The following SNX31 variants were observed in gnomAD, a reference collection of about 807,000 sequenced individuals.
The protein encoded by SNX31 is sorting nexin-31.
SNX31 carries 58 observed loss-of-function variants against 65.4 expected under a neutral mutation model. That is an observed-to-expected ratio of 0.89 (90% confidence interval 0.72 to 1.10). The LOEUF (loss-of-function observed/expected upper bound fraction) is 1.10, where lower values mean the gene tolerates loss of function less well. Ranked by LOEUF, SNX31 falls within the 50% of genes least tolerant of loss-of-function variation. The probability of loss-of-function intolerance (pLI) is 0.00; values close to 1 mark genes in which losing one functional copy is unlikely to be tolerated. For missense variants in SNX31, 523 were observed against 529.7 expected, an observed-to-expected ratio of 0.99 and a Z score of 0.12; for synonymous variants, 181 against 190.1, an observed-to-expected ratio of 0.95 and a Z score of 0.39.
At position 100,617,714 on chromosome 8, in the gene SNX31, G is replaced by A; in HGVS notation, c.338C>T (p.Ala113Val). The A allele has an allele frequency of 1.2e-6, 2 of 1,612,492 alleles. No homozygotes were observed. The highest frequency in any genetic ancestry group is 8.5e-7 in the Non-Finnish European group (1 of 1,179,528). ...KLAQLNTFDIATKKAYLDIFL... is the reference protein window; with the variant it reads ...KLAQLNTFDIVTKKAYLDIFL... The stretch of plus-strand genomic sequence containing the variant: ...TATGTCCAGATAAGCTTTCTTGGTG[G>A]CGATGTCAAATGTATTCTATAAGCA... The change falls in exon 5 of 14, where the codon GCC becomes GTC. Residue 113 changes from alanine (A) to valine (V), a missense_variant. By Grantham distance (64) the Ala-to-Val change is moderately conservative. Coordinates refer to ENST00000311812, the MANE Select transcript of SNX31 (RefSeq NM_152628.4).
chr8:100,625,390 T>G lies in SNX31; in HGVS notation c.321+4937A>C. On this transcript the variant is annotated intron_variant, in intron 4 of 13. Coordinates refer to ENST00000311812, the MANE Select transcript of SNX31 (RefSeq NM_152628.4). The surrounding 1 kb of genome is among the most constrained non-coding windows in gnomAD (Gnocchi z 4.2). Reference sequence around the variant, plus strand: ...GAGTCCACATATGGATTTTCTTGGATGCGCACCATGGCTATTAGACATTCC... The same window carrying G: ...GAGTCCACATATGGATTTTCTTGGAGGCGCACCATGGCTATTAGACATTCC... 6.6e-6 allele frequency among the ~76,000 whole-genome samples: 1 copy of G among 150,636 alleles called. No individual in the cohort carries two copies. The highest frequency in any genetic ancestry group is 2.0e-4 in the East Asian group (1 of 4,930).
chr8:100,641,581 TATATATATATATATACAC>T (rs1563580650), intron 2 of SNX31, among the ~76,000 whole-genome samples: 7 of 28,528 alleles, frequency 2.5e-4, no homozygotes, highest in African/African-American at 5.1e-4. Flanking sequence ...TATATATATA[TATATATATATATATACAC>T]ATACACACAC....
intron 10 of SNX31, among the ~76,000 whole-genome samples, chr8:100,593,660 G>A (rs529532655): frequency 6.6e-6 from 1 of 151,918 alleles, no homozygotes; most frequent in African/African-American, 2.4e-5. Context: ...CTCCATGTTG[G>A]CCAGGCTGGT....
chr8:100,624,933 C>T (rs1012314682), intron 4 of SNX31, among the ~76,000 whole-genome samples: 7 of 151,908 alleles, frequency 4.6e-5, no homozygotes, highest in East Asian at 1.9e-4. Context: ...TCCAGAGTAG[C>T]GGGGGCTATA....
chr8:100,617,470 C>T (rs1817311753), intron 5 of SNX31, 150 bp downstream of exon 5: 8 of 530,528 alleles, frequency 1.5e-5, no homozygotes, highest in Non-Finnish European at 2.6e-5. Flanking sequence ...GTTGTTCTCC[C>T]AGCAAATGCC....
chr8:100,575,933 T>G lies in SNX31; in HGVS notation c.1227+1086A>C, dbSNP rs1166404853. On this transcript the variant is annotated intron_variant, in intron 13 of 13. Transcript: ENST00000311812. This position sits in a 1 kb window ranked among gnomAD's most constrained non-coding sequence, Gnocchi z 5.1. ...GCCAAAGTTGAGAACCACAGCTCCA[T>G]GCTGTCGGCATGCTGCTAAAATGGG... Among the ~76,000 whole-genome samples, 1 of 136,114 alleles carries G rather than the reference T, an allele frequency of 7.3e-6. No homozygotes were observed. Among genetic ancestry groups the G allele is most frequent in the Admixed American group, 7.6e-5 (1 of 13,142 alleles). 89.3% of individuals were successfully genotyped at this position (136,114 alleles called of 152,430 possible).
chr8:100,642,534 C>G (rs908511612), intron 2 of SNX31, among the ~76,000 whole-genome samples: 1 of 152,214 alleles, frequency 6.6e-6, no homozygotes, highest in Non-Finnish European at 1.5e-5. Context: ...CAGGTTTTTA[C>G]AACCTGAGCT....
intron 2 of SNX31, among the ~76,000 whole-genome samples, chr8:100,646,408 C>T (rs7846275): frequency 0.066 from 9,997 of 152,280 alleles, 456 homozygotes; most frequent in Non-Finnish European, 0.095. Flanking sequence ...TCAGAAAGAA[C>T]AGTTGGTAAA....
chr8:100,619,550 C>T (rs1441016176), intron 4 of SNX31, among the ~76,000 whole-genome samples: 2 of 152,182 alleles, frequency 1.3e-5, no homozygotes, highest in Non-Finnish European at 2.9e-5. Context: ...ATTGTTACTC[C>T]AGCTGCTATA....
chr8:100,655,926 A>G (rs1820046871), intron 1 of SNX31, among the ~76,000 whole-genome samples: 1 of 152,210 alleles, frequency 6.6e-6, no homozygotes, highest in African/African-American at 2.4e-5. Context: ...AGGCAGTCAG[A>G]CCAGCAAGGA....
chr8:100,612,209 C>A lies in SNX31; in HGVS notation c.524-122G>T. ...AATAATAAAATCACAGTAAGAATAT[C>A]CTCTGTATTTACACGTAATTTTAAC... On this transcript the variant is annotated intron_variant, in intron 6 of 13. Transcript: ENST00000311812. The surrounding 1 kb of genome is among the most constrained non-coding windows in gnomAD (Gnocchi z 4.3). The A allele has an allele frequency of 1.6e-6, 1 of 626,784 alleles. No individual in the cohort carries two copies. Among genetic ancestry groups the A allele is most frequent in the Non-Finnish European group, 2.8e-6 (1 of 356,102 alleles). 38.8% of individuals were successfully genotyped at this position (626,784 alleles called of 1,614,324 possible). A position where few individuals can be genotyped will look rare whatever the true frequency, so the allele number is the denominator to read the frequency against.
chr8:100,610,834 G>T lies in SNX31; in HGVS notation c.611+1166C>A, dbSNP rs966482765. ...CCACAAACTGGAGCTCTAGAGCAAG[G>T]CATCACAAGGTCAAGGGAATTCTTA... On this transcript the variant is annotated intron_variant, in intron 7 of 13. Transcript: ENST00000311812. This position sits in a 1 kb window ranked among gnomAD's most constrained non-coding sequence, Gnocchi z 4.0. Among the ~76,000 whole-genome samples the T allele has an allele frequency of 2.6e-5, 4 of 152,294 alleles. No homozygotes were observed. The highest frequency in any genetic ancestry group is 3.4e-3 in the Middle Eastern group (1 of 294).
upstream of SNX31, among the ~76,000 whole-genome samples, chr8:100,651,706 G>A (rs537193825): frequency 1.4e-3 from 214 of 152,298 alleles, 4 homozygotes; most frequent in South Asian, 0.044. Flanking sequence ...AGCAGCGATT[G>A]GAGGCGCTGC....
At chr8:100,651,927 G>A (rs543228102), upstream of SNX31, among the ~76,000 whole-genome samples, 3 of 152,308 alleles carry the variant, frequency 2.0e-5, no homozygotes, top group South Asian at 4.1e-4. Context: ...CTTTTCAGGG[G>A]TGCCTGGGGA....
chr8:100,613,213 T>A lies in SNX31; in HGVS notation c.433-128A>T. The A allele has an allele frequency of 1.5e-6, 1 of 665,810 alleles. No homozygotes were observed. The allele number at this position is 665,810 out of a possible 1,614,324, so 41.2% of individuals were successfully genotyped here. A position where few individuals can be genotyped will look rare whatever the true frequency, so the allele number is the denominator to read the frequency against. Reference sequence around the variant, plus strand: ...AATGCTGTCATGGGTTAGTGAACACTCAAAGAAAGCTTTTTGGAATCAAAA... The same window carrying A: ...AATGCTGTCATGGGTTAGTGAACACACAAAGAAAGCTTTTTGGAATCAAAA... On this transcript the variant is annotated intron_variant, in intron 5 of 13. Coordinates refer to ENST00000311812, the MANE Select transcript of SNX31 (RefSeq NM_152628.4). This position sits in a 1 kb window ranked among gnomAD's most constrained non-coding sequence, Gnocchi z 5.2.
chr8:100,641,561 AAAAAATATATAT>A (rs1342213411), intron 2 of SNX31, among the ~76,000 whole-genome samples: 2 of 28,686 alleles, frequency 7.0e-5, no homozygotes, highest in African/African-American at 4.6e-4. Context: ...AAAAAAAAAA[AAAAAATATATAT>A]ATATATATAT....
rs897667001 is a variant in SNX31, at chr8:100,604,017, C to T, written c.682-3576G>A. Among the ~76,000 whole-genome samples the T allele has an allele frequency of 3.9e-5, 6 of 152,194 alleles. No individual in the cohort carries two copies. The highest frequency in any genetic ancestry group is 2.1e-4 in the South Asian group (1 of 4,830). On this transcript the variant is annotated intron_variant, in intron 8 of 13. Coordinates refer to ENST00000311812, the MANE Select transcript of SNX31 (RefSeq NM_152628.4). This position sits in a 1 kb window ranked among gnomAD's most constrained non-coding sequence, Gnocchi z 4.3. ...CCTCCCAAAGTGCTGGAATTACAGG[C>T]GTGAGCCACTGCGCCCAGCTTTATA...
In SNX31 at chr8:100,622,232, G is replaced by C. The variant is rs1817746468; in HGVS notation, c.322-4502C>G. On this transcript the variant is annotated intron_variant, in intron 4 of 13. Coordinates refer to ENST00000311812, the MANE Select transcript of SNX31 (RefSeq NM_152628.4). The surrounding 1 kb of genome is among the most constrained non-coding windows in gnomAD (Gnocchi z 5.0). ...CTAGAAGATAAGCTCCTACAGAGCA[G>C]GATTATGTGGTGAGTTTATCTTGAA... 6.6e-6 allele frequency among the ~76,000 whole-genome samples: 1 copy of C among 152,128 alleles called. No homozygotes were observed. The highest frequency in any genetic ancestry group is 1.5e-5 in the Non-Finnish European group (1 of 68,024).
chr8:100,657,906 A>G, intron 1 of SNX31: 1 of 362,622 alleles, frequency 2.8e-6, no homozygotes, highest in South Asian at 2.1e-5. Flanking sequence ...AACAACAACA[A>G]CAACAACAAC....
Sources: gnomAD v4.1 joint callset for allele counts (sites outside exome capture counted in the v4.1 genomes callset) on GRCh38, gnomAD v4.1.1 for gene constraint, Gnocchi (gnomAD v3.1) non-coding constraint, MANE v1.5 for transcripts, NCBI Gene and HGNC (gene_info 2026-07-23, HGNC 2026-07-21) for gene names.